EMILIN1: variants seen among roughly 807,000 people sequenced by gnomAD.
EMILIN1 encodes elastin microfibril interfacer 1.
In EMILIN1, 49 loss-of-function variants were observed where a neutral mutation model predicts 82.4. That is an observed-to-expected ratio of 0.59 (90% CI 0.47 to 0.75). The LOEUF is 0.75. EMILIN1 is among the 30% of genes least tolerant of loss of function. The pLI is 0.00. For missense variants in EMILIN1, 1,313 were observed against 1,366.4 expected, an observed-to-expected ratio of 0.96 and a Z score of 0.62; for synonymous variants, 604 against 602.2, an observed-to-expected ratio of 1.00 and a Z score of -0.04.
chr2:27,082,300 G>A lies in EMILIN1; in HGVS notation c.729G>A (p.Gln243=). ...AAACCCTCAATGAGATCCAGCACCAGCTGCAGCTCCTGGACACCCGCGTCT... is the reference window on the plus strand; with the variant it reads ...AAACCCTCAATGAGATCCAGCACCAACTGCAGCTCCTGGACACCCGCGTCT... The part of the protein sequence containing the change: ...VHETLNEIQH[Q]LQLLDTRVST... Residue 243 remains glutamine (Q), a synonymous_variant, in exon 4 of 8, where the codon CAG becomes CAA. Coordinates refer to ENST00000380320, the MANE Select transcript of EMILIN1 (RefSeq NM_007046.4). The A allele has an allele frequency of 6.2e-7, 1 of 1,613,116 alleles. No individual in the cohort carries two copies. The highest frequency in any genetic ancestry group is 8.5e-7 in the Non-Finnish European group (1 of 1,179,954).
Position 27,079,018 on chromosome 2 carries a change from G to A in EMILIN1, c.-48G>A. The A allele has an allele frequency of 6.9e-7, 1 of 1,444,090 alleles. No homozygotes were observed. The highest frequency in any genetic ancestry group is 9.2e-7 in the Non-Finnish European group (1 of 1,087,154). 89.5% of individuals were successfully genotyped at this position (1,444,090 alleles called of 1,614,324 possible). On this transcript the variant is annotated 5_prime_UTR_variant, in exon 1 of 8. It adds an upstream start codon to the 5' untranslated region. Transcript: ENST00000380320. ...ATCCCCGGGGCCGGCAGAGGCGCCAGTGGCTGGGCGGGATGAGTCTCTGAG... is the reference window on the plus strand; with the variant it reads ...ATCCCCGGGGCCGGCAGAGGCGCCAATGGCTGGGCGGGATGAGTCTCTGAG...
At chr2:27,084,037 ACCCCTTTCAAG>A (rs919632873) in intron 4 of EMILIN1, 26 bp downstream of exon 4, 1 of 1,443,372 alleles carries the variant, frequency 6.9e-7, no homozygotes, top group Non-Finnish European at 9.1e-7. Flanking sequence ...GCATGAGGGG[ACCCCTTTCAAG>A]CCCCTTATTT....
In EMILIN1 at chr2:27,080,873, A is replaced by T. The variant is rs1481325220; in HGVS notation, c.432A>T (p.Pro144=). ...APALGPASST[P]RPLARPARPN... The stretch of plus-strand genomic sequence containing the variant: ...CGCTGGGGCCTGCGTCTTCCACACC[A>T]CGGCCCCTGGCCCGGCCTGCCCGCC... Residue 144 remains proline, a synonymous_variant, in exon 3 of 8, where the codon CCA becomes CCT. Transcript: ENST00000380320. 6.2e-7 allele frequency: 1 copy of T among 1,610,238 alleles called. No homozygotes were observed. The highest frequency in any genetic ancestry group is 1.1e-5 in the South Asian group (1 of 90,566).
chr2:27,085,346 G>C (rs1669587310), intron 7 of EMILIN1, 49 bp downstream of exon 7: 1 of 1,604,938 alleles, frequency 6.2e-7, no homozygotes, highest in East Asian at 2.2e-5. Context: ...TGGGTGAGGT[G>C]TGCAGTGATA....
Position 27,082,333 on chromosome 2 carries a change from C to T in EMILIN1, c.762C>T (p.His254=), listed in dbSNP as rs756955848. Residue 254 remains histidine (H), a synonymous_variant, in exon 4 of 8, where the codon CAC becomes CAT. Coordinates refer to ENST00000380320, the MANE Select transcript of EMILIN1 (RefSeq NM_007046.4). ...LQLLDTRVST[H]DQELGHLNNH... ...TCCTGGACACCCGCGTCTCCACCCA[C>T]GACCAGGAGCTGGGTCACCTCAACA... The T allele has an allele frequency of 1.2e-5, 20 of 1,612,676 alleles. No individual in the cohort carries two copies. Among genetic ancestry groups the T allele is most frequent in the South Asian group, 2.2e-5 (2 of 91,088 alleles).
intron 2 of EMILIN1, among the ~76,000 whole-genome samples, 155 bp from the exon 3 acceptor site, chr2:27,080,577 G>A (rs954185093): frequency 6.6e-6 from 1 of 152,196 alleles, no homozygotes; most frequent in African/African-American, 2.4e-5. Context: ...AAAGCTGACA[G>A]CTGTCAGCTA....
In EMILIN1 at chr2:27,082,758, AC is replaced by A; in HGVS notation, c.1193del (p.Pro398GlnfsTer38). On this transcript the variant is annotated frameshift_variant, in exon 4 of 8. Coordinates refer to ENST00000380320, the MANE Select transcript of EMILIN1 (RefSeq NM_007046.4). LOFTEE classifies it high-confidence loss of function. ...ELGGAAGQGG[H>X]PPGYTSLASR... ...GGAGGAGCCGCGGGGCAGGGAGGCCACCCCCCAGGCTACACCAGCTTGGCCT... is the reference window on the plus strand; with the variant it reads ...GGAGGAGCCGCGGGGCAGGGAGGCCACCCCCAGGCTACACCAGCTTGGCCT... The A allele has an allele frequency of 1.3e-6, 2 of 1,536,344 alleles. No individual in the cohort carries two copies.
chr2:27,082,424 G>C lies in EMILIN1; in HGVS notation c.853G>C (p.Gly285Arg). Residue 285 changes from glycine to arginine, a missense_variant, in exon 4 of 8, where the codon GGC (glycine) becomes CGC (arginine). Transcript: ENST00000380320. ...RAPAPASAPP[G>R]PSEELLRQLE... ...CCCAGCCCCAGCCTCAGCCCCTCCG[G>C]GCCCCAGTGAGGAGCTGCTGCGGCA... 1 of 1,602,300 alleles carries C rather than the reference G, an allele frequency of 6.2e-7. No homozygotes were observed. Among genetic ancestry groups the C allele is most frequent in the East Asian group, 2.3e-5 (1 of 44,268 alleles).
At position 27,083,258 on chromosome 2, in the gene EMILIN1, A is replaced by G. The variant is rs766551959; in HGVS notation, c.1687A>G (p.Thr563Ala). ...AAEFTLRLNL[T>A]AARLGQLEGL... ...AGAGTTCACACTACGGCTGAATCTC[A>G]CTGCGGCCCGGCTAGGCCAACTGGA... Residue 563 changes from threonine to alanine, a missense_variant, in exon 4 of 8, where the codon ACT (threonine) becomes GCT (alanine). Coordinates refer to ENST00000380320, the MANE Select transcript of EMILIN1 (RefSeq NM_007046.4). 2.0e-5 allele frequency: 33 copies of G among 1,612,302 alleles called. No homozygotes were observed. The highest frequency in any genetic ancestry group is 2.5e-5 in the Non-Finnish European group (30 of 1,179,198).
In EMILIN1 at chr2:27,080,255, G is replaced by A. The variant is rs373813125; in HGVS notation, c.275G>A (p.Cys92Tyr). The A allele has an allele frequency of 7.2e-5, 116 of 1,613,950 alleles. No individual in the cohort carries two copies. The highest frequency in any genetic ancestry group is 9.3e-5 in the Non-Finnish European group (110 of 1,179,946). Residue 92 changes from cysteine to tyrosine, a missense_variant, in exon 2 of 8, where the codon TGT (cysteine) becomes TAT (tyrosine). Physicochemically the swap from Cys to Tyr is radical, Grantham distance 194. Coordinates refer to ENST00000380320, the MANE Select transcript of EMILIN1 (RefSeq NM_007046.4). Reference sequence around the variant, plus strand: ...CCTTGTGCCTGGGGCCAGCCCCAGTGTCCCCAAAGCATCATGTGAGTCCCA... The same window carrying A: ...CCTTGTGCCTGGGGCCAGCCCCAGTATCCCCAAAGCATCATGTGAGTCCCA... ...YQPCAWGQPQCPQSIMYRRFL... is the reference protein window; with the variant it reads ...YQPCAWGQPQYPQSIMYRRFL...
intron 7 of EMILIN1, 21 bp from the exon 8 acceptor site, chr2:27,085,657 G>C: frequency 2.5e-6 from 4 of 1,576,524 alleles, no homozygotes; most frequent in Non-Finnish European, 3.5e-6. Context: ...TGGCCCCCCT[G>C]ACTGCTATCC....
rs374694196 is a variant in EMILIN1, at chr2:27,082,228, C to T, written c.657C>T (p.Asn219=). Residue 219 remains asparagine, a synonymous_variant, in exon 4 of 8, where the codon AAC becomes AAT. Transcript: ENST00000380320. ...DVQRAVETAF[N]GRQQPADAAA... ...AGAGGGCTGTGGAGACGGCCTTCAA[C>T]GGGAGGCAGCAGCCAGCTGACGCGG... is the stretch of plus-strand genomic sequence containing the variant. The T allele has an allele frequency of 1.0e-4, 163 of 1,613,460 alleles. 2 individuals are homozygous for T. Among genetic ancestry groups the T allele is most frequent in the South Asian group, 8.2e-4 (75 of 91,090 alleles).
At position 27,079,236 on chromosome 2, in the gene EMILIN1, G is replaced by T. The variant is rs1324203426; in HGVS notation, c.170+1G>T. 6 of 1,555,340 alleles carry T rather than the reference G, an allele frequency of 3.9e-6. No homozygotes were observed. The highest frequency in any genetic ancestry group is 5.2e-6 in the Non-Finnish European group (6 of 1,158,178). ...CCCCCCGGCCAGCCAGCCGCCACAG[G>T]TAAGAGTCTGGATCCCAGCCCGAGG... is the stretch of plus-strand genomic sequence containing the variant. On this transcript the variant is annotated splice_donor_variant, in intron 1 of 7. Transcript: ENST00000380320. LOFTEE classifies it high-confidence loss of function.
chr2:27,081,011 G>C, intron 3 of EMILIN1, 59 bp downstream of exon 3: 1 of 1,309,950 alleles, frequency 7.6e-7, no homozygotes, highest in Non-Finnish European at 1.1e-6. Flanking sequence ...AATGCAATGG[G>C]AAATGTGGGG....
Position 27,083,899 on chromosome 2 carries a change from G to A in EMILIN1, c.2328G>A (p.Leu776=). The change falls in exon 4 of 8, where the codon CTG becomes CTA. Residue 776 remains leucine (L), a synonymous_variant. Transcript: ENST00000380320. ...CCAGCCAGATGCAGGCAGCCCTGCT[G>A]GAGAAGCTGGTCGGGGGACAGGCGG... is the stretch of plus-strand genomic sequence containing the variant. ...NTTSQMQAAL[L]EKLVGGQAGL... is the part of the protein sequence containing the mutation. 1 of 1,608,958 alleles carries A rather than the reference G, an allele frequency of 6.2e-7. No homozygotes were observed. The highest frequency in any genetic ancestry group is 8.5e-7 in the Non-Finnish European group (1 of 1,176,726).
chr2:27,085,406 TG>T, intron 7 of EMILIN1, 109 bp downstream of exon 7: 1 of 1,373,190 alleles, frequency 7.3e-7, no homozygotes. Context: ...TTCTCTGATT[TG>T]GGGAGACCCC....
chr2:27,085,423 T>C, intron 7 of EMILIN1, 126 bp downstream of exon 7: 1 of 1,209,280 alleles, frequency 8.3e-7, no homozygotes, highest in South Asian at 1.4e-5. Context: ...ACCCCGGCTC[T>C]TTCTTCATTT....
intron 2 of EMILIN1, 142 bp from the exon 3 acceptor site, chr2:27,080,590 C>G: frequency 1.4e-6 from 1 of 714,210 alleles, no homozygotes. Flanking sequence ...GTCAGCTAAG[C>G]AAGGCCACAT....
rs1179147396 is a variant in EMILIN1, at chr2:27,085,254, CAG to C, written c.2673_2674del (p.Arg891SerfsTer5). The C allele has an allele frequency of 6.2e-7, 1 of 1,614,154 alleles. No homozygotes were observed. Among genetic ancestry groups the C allele is most frequent in the Admixed American group, 1.7e-5 (1 of 60,036 alleles). On this transcript the variant is annotated frameshift_variant, in exon 7 of 8. Transcript: ENST00000380320. LOFTEE classifies it high-confidence loss of function. ...CTGAACCAGGCACGGTCCCCTTCGA[CAG>C]AGTCCTGCTCAATGATGGAGGCTAT... Reference protein sequence around the residue: ...RSEPGTVPFDRVLLNDGGYYD... With the variant: ...RSEPGTVPFDXVLLNDGGYYD...
Sources: gnomAD v4.1 joint callset for allele counts (sites outside exome capture counted in the v4.1 genomes callset) on GRCh38, gnomAD v4.1.1 for gene constraint, MANE v1.5 for transcripts, NCBI Gene and HGNC (gene_info 2026-07-23, HGNC 2026-07-21) for gene names.